Variants in TXNDC15 observed in about 807,000 individuals in gnomAD.
The protein encoded by TXNDC15 is thioredoxin domain-containing protein 15.
A neutral mutation model predicts 35.0 loss-of-function variants in TXNDC15; 24 were observed. The ratio of observed to expected loss-of-function variants is 0.68; its 90% CI spans 0.50 to 0.96. The LOEUF (loss-of-function observed/expected upper bound fraction) is 0.96. Among genes scored for constraint, TXNDC15 ranks in the 40% least tolerant of loss-of-function variants. The pLI, the probability that TXNDC15 is intolerant of heterozygous loss-of-function variation, is 0.00. For synonymous variants in TXNDC15, 169 were observed against 174.0 expected (o/e 0.97, Z 0.23); for missense variants, 385 against 453.3 (o/e 0.85, Z 1.37).
Position 134,887,867 on chromosome 5 carries a change from G to A in TXNDC15, c.276G>A (p.Val92=). 1 of 1,614,232 alleles carries A rather than the reference G, an allele frequency of 6.2e-7. No homozygotes were observed. The highest frequency in any genetic ancestry group is 8.5e-7 in the Non-Finnish European group (1 of 1,180,046). ...LGLDTQGDHM[V]MLSVIPGEAE... is the part of the protein sequence containing the mutation. ...TGGACACCCAAGGCGATCACATGGT[G>A]ATGCTGTCTGTGATTCCTGGGGAAG... Residue 92 remains valine (V), a synonymous_variant, in exon 2 of 5, where the codon GTG becomes GTA. Coordinates refer to ENST00000358387, the MANE Select transcript of TXNDC15 (RefSeq NM_024715.4).
chr5:134,881,363 C>T (rs1750140511), intron 1 of TXNDC15, among the ~76,000 whole-genome samples: 1 of 105,606 alleles, frequency 9.5e-6, no homozygotes, highest in Non-Finnish European at 1.9e-5. Flanking sequence ...TCCCTGGGTA[C>T]TTGAGATTAG....
intron 3 of TXNDC15, 115 bp downstream of exon 3, chr5:134,893,770 G>T: frequency 7.2e-7 from 1 of 1,385,936 alleles, no homozygotes; most frequent in Admixed American, 1.8e-5. Flanking sequence ...CTGTGTCCTG[G>T]GATGGAAGGC....
chr5:134,889,380 C>A (rs549643616), intron 2 of TXNDC15, among the ~76,000 whole-genome samples: 1 of 152,128 alleles, frequency 6.6e-6, no homozygotes, highest in Non-Finnish European at 1.5e-5. Flanking sequence ...CATGCCACCA[C>A]GCCTGGCTAA....
At position 134,888,524 on chromosome 5, in the gene TXNDC15, C is replaced by T. The variant is rs536131466; in HGVS notation, c.591+342C>T. Among the ~76,000 whole-genome samples, 39 of 152,306 alleles carry T rather than the reference C, an allele frequency of 2.6e-4. 1 individual carries two copies. In the South Asian group the frequency reaches 5.4e-3, roughly 21 times the overall value. ...TTGAGACAGAGTTTTGCTCTTGTCA[C>T]CTAGGCTGGAGTGCAATGGCATGAT... On this transcript the variant is annotated intron_variant, in intron 2 of 4. Coordinates refer to ENST00000358387, the MANE Select transcript of TXNDC15 (RefSeq NM_024715.4).
chr5:134,874,242 C>T (rs1034937157), upstream of TXNDC15: 27 of 566,040 alleles, frequency 4.8e-5, no homozygotes, highest in Non-Finnish European at 6.8e-5. Context: ...GGTCTCCAGT[C>T]CAGCGCCGAC....
chr5:134,877,371 A>G (rs1210767729), intron 1 of TXNDC15, among the ~76,000 whole-genome samples: 1 of 152,196 alleles, frequency 6.6e-6, no homozygotes. Flanking sequence ...GGGTAGGGGA[A>G]GCCACTGAAA....
chr5:134,890,451 A>G (rs1490330391), intron 2 of TXNDC15, among the ~76,000 whole-genome samples: 1 of 147,918 alleles, frequency 6.8e-6, no homozygotes, highest in East Asian at 2.0e-4. Context: ...TCTGTCACCC[A>G]GGCGGGAGTG....
At chr5:134,889,781 G>A (rs545439176) in intron 2 of TXNDC15, among the ~76,000 whole-genome samples, 2 of 152,340 alleles carry the variant, frequency 1.3e-5, no homozygotes, top group Admixed American at 1.3e-4. Context: ...ATATCGCAGT[G>A]TAGCAAATCA....
chr5:134,895,385 C>T (rs767284955), intron 3 of TXNDC15, among the ~76,000 whole-genome samples: 4 of 152,166 alleles, frequency 2.6e-5, no homozygotes, highest in Non-Finnish European at 5.9e-5. Context: ...GGTGGGGCCT[C>T]CACTGCCCCC....
chr5:134,895,693 G>T (rs1257472856), intron 3 of TXNDC15, among the ~76,000 whole-genome samples: 2 of 152,070 alleles, frequency 1.3e-5, no homozygotes, highest in African/African-American at 2.4e-5. Flanking sequence ...AGTTCACATT[G>T]GTTCAGTGGC....
chr5:134,887,808 A>G lies in TXNDC15; in HGVS notation c.217A>G (p.Arg73Gly). ...CCTGCATGACCCGATGGGCCAGGAC[A>G]GGGCAGCAGAAGAGGCCAATGCGGT... ...ELLHDPMGQD[R>G]AAEEANAVLG... Residue 73 changes from arginine (R) to glycine (G), a missense_variant, in exon 2 of 5, where the codon AGG becomes GGG. By Grantham distance (125) the Arg-to-Gly change is moderately radical (BLOSUM62 -2). Transcript: ENST00000358387. The G allele has an allele frequency of 6.2e-7, 1 of 1,614,222 alleles. No homozygotes were observed.
chr5:134,883,946 C>G (rs531852454), intron 1 of TXNDC15, among the ~76,000 whole-genome samples: 1 of 150,306 alleles, frequency 6.7e-6, no homozygotes. Flanking sequence ...AAGCCAGGCG[C>G]GGTGGCTCAT....
chr5:134,899,909 G>A lies in TXNDC15; in HGVS notation c.*224G>A. 2 of 450,102 alleles carry A rather than the reference G, an allele frequency of 4.4e-6. No individual in the cohort carries two copies. Among genetic ancestry groups the A allele is most frequent in the Non-Finnish European group, 7.7e-6 (2 of 258,122 alleles). 27.9% of individuals were successfully genotyped at this position (450,102 alleles called of 1,614,324 possible). A position where few individuals can be genotyped will look rare whatever the true frequency, so the allele number is the denominator to read the frequency against. ...AATATTCAATAGATGCACTATTCTTGTTTTTACTGCATGAACGTAATCCAG... is the reference window on the plus strand; with the variant it reads ...AATATTCAATAGATGCACTATTCTTATTTTTACTGCATGAACGTAATCCAG... On this transcript the variant is annotated 3_prime_UTR_variant, in exon 5 of 5. Coordinates refer to ENST00000358387, the MANE Select transcript of TXNDC15 (RefSeq NM_024715.4).
intron 2 of TXNDC15, among the ~76,000 whole-genome samples, chr5:134,888,632 C>T (rs563817118): frequency 2.6e-5 from 4 of 152,070 alleles, no homozygotes; most frequent in Non-Finnish European, 4.4e-5. Flanking sequence ...TACAGGCATG[C>T]ACTACCATGC....
chr5:134,882,401 G>T (rs1424912252), intron 1 of TXNDC15, among the ~76,000 whole-genome samples: 2 of 152,134 alleles, frequency 1.3e-5, no homozygotes, highest in Non-Finnish European at 2.9e-5. Context: ...CCAGACAATG[G>T]GCGGCCAGGC....
intron 3 of TXNDC15, among the ~76,000 whole-genome samples, chr5:134,893,923 G>A (rs560996095): frequency 6.6e-6 from 1 of 152,208 alleles, no homozygotes; most frequent in Non-Finnish European, 1.5e-5. Flanking sequence ...GGCAGGGGAG[G>A]GGCCAGAAGA....
intron 1 of TXNDC15, among the ~76,000 whole-genome samples, chr5:134,882,278 A>G (rs983342855): frequency 6.0e-5 from 9 of 149,762 alleles, no homozygotes; most frequent in Non-Finnish European, 1.2e-4. Flanking sequence ...CACTTCCTAG[A>G]TGGGATGGCG....
intron 1 of TXNDC15, among the ~76,000 whole-genome samples, chr5:134,886,046 A>C (rs558645854): frequency 6.6e-6 from 1 of 152,340 alleles, no homozygotes; most frequent in East Asian, 1.9e-4. Context: ...GAAGAGAAGA[A>C]TTTGAATGAT....
At chr5:134,899,078 GA>G (rs56940924) in intron 4 of TXNDC15, among the ~76,000 whole-genome samples, 321 of 141,926 alleles carry the variant, frequency 2.3e-3, no homozygotes, top group East Asian at 0.011. Context: ...CTTCATCACA[GA>G]AAAAAAAAAA....
Sources: allele counts gnomAD v4.1 joint callset (sites outside exome capture counted in the v4.1 genomes callset), GRCh38; gene constraint gnomAD v4.1.1; transcripts MANE v1.5; gene names NCBI Gene and HGNC (gene_info 2026-07-23, HGNC 2026-07-21).